The following OPCML variants were observed in gnomAD, a reference collection of about 807,000 sequenced individuals.
The protein encoded by OPCML is opioid binding protein/cell adhesion molecule like.
In OPCML, 13 loss-of-function variants were observed where a neutral mutation model predicts 37.8. The ratio of observed to expected loss-of-function variants is 0.34; its 90% CI spans 0.22 to 0.55. The LOEUF is 0.55. OPCML is among the 20% of genes least tolerant of loss of function. The probability of loss-of-function intolerance (pLI) is 0.91; values close to 1 mark genes in which losing one functional copy is unlikely to be tolerated. For missense variants in OPCML, 341 were observed against 435.6 expected (o/e 0.78, Z 1.93); for synonymous variants, 176 against 168.8 (o/e 1.04, Z -0.33).
At chr11:132,491,164 C>G (rs1342422502) in intron 4 of OPCML, among the ~76,000 whole-genome samples, 1 of 152,244 alleles carries the variant, frequency 6.6e-6, no homozygotes, top group Non-Finnish European at 1.5e-5. Flanking sequence ...TCCTCACTGG[C>G]TTCCTGCCCT....
intron 3 of OPCML, among the ~76,000 whole-genome samples, chr11:132,626,810 G>GTT (rs1939770708): frequency 1.4e-5 from 1 of 71,084 alleles, no homozygotes; most frequent in South Asian, 5.1e-4. Flanking sequence ...TTAAAGGGAA[G>GTT]TTTCTCTCTC....
At chr11:132,460,765 T>C (rs1368225133) in intron 4 of OPCML, among the ~76,000 whole-genome samples, 1 of 152,190 alleles carries the variant, frequency 6.6e-6, no homozygotes, top group Non-Finnish European at 1.5e-5. Flanking sequence ...CTTGAGTCAT[T>C]AAAATAAGTT....
intron 2 of OPCML, among the ~76,000 whole-genome samples, chr11:132,727,273 A>G (rs981906990): frequency 6.6e-6 from 1 of 152,188 alleles, no homozygotes; most frequent in Non-Finnish European, 1.5e-5. Flanking sequence ...TTCTGAGTCT[A>G]AAGCCCTGCT....
At chr11:133,319,492 A>G (rs1212031376) in intron 1 of OPCML, among the ~76,000 whole-genome samples, 2 of 152,210 alleles carry the variant, frequency 1.3e-5, no homozygotes, top group East Asian at 3.9e-4. Context: ...CTTAGTGGCA[A>G]CGCTTCTGTG....
At chr11:132,923,152 G>A (rs997357462) in intron 2 of OPCML, among the ~76,000 whole-genome samples, 3 of 152,058 alleles carry the variant, frequency 2.0e-5, no homozygotes, top group Admixed American at 1.3e-4. Flanking sequence ...ACAGTTAACA[G>A]TATATACATT....
At chr11:133,045,986 G>A (rs1033037244) in intron 1 of OPCML, among the ~76,000 whole-genome samples, 13 of 152,202 alleles carry the variant, frequency 8.5e-5, no homozygotes, top group African/African-American at 2.9e-4. Context: ...GCTACAAGAT[G>A]CTCACCGGCA....
At chr11:132,529,653 C>T (rs991493050) in intron 3 of OPCML, among the ~76,000 whole-genome samples, 4 of 152,146 alleles carry the variant, frequency 2.6e-5, no homozygotes, top group African/African-American at 9.7e-5. Context: ...TCTGAGTATC[C>T]CAGACCCTTT....
intron 2 of OPCML, among the ~76,000 whole-genome samples, chr11:132,845,743 AC>A (rs1205217485): frequency 1.3e-5 from 2 of 152,116 alleles, no homozygotes; most frequent in African/African-American, 4.8e-5. Flanking sequence ...ACTATTAGAG[AC>A]ATTGAAAGCT....
chr11:132,715,336 C>A (rs747764101), intron 2 of OPCML, among the ~76,000 whole-genome samples: 3 of 152,162 alleles, frequency 2.0e-5, no homozygotes, highest in Non-Finnish European at 4.4e-5. Flanking sequence ...AATTTCTGCC[C>A]GTGAGCTGTC....
intron 1 of OPCML, among the ~76,000 whole-genome samples, chr11:133,484,350 T>C (rs1947483694): frequency 6.6e-6 from 1 of 152,092 alleles, no homozygotes; most frequent in African/African-American, 2.4e-5. Context: ...ATGAATGAGA[T>C]ATTCAATATT....
At chr11:132,547,245 G>T (rs1219075451) in intron 3 of OPCML, among the ~76,000 whole-genome samples, 2 of 152,182 alleles carry the variant, frequency 1.3e-5, no homozygotes, top group Non-Finnish European at 2.9e-5. Context: ...AACTGGGGGA[G>T]ATGCCATAAG....
rs557016878 is a variant in OPCML at position 133,212,020 on chromosome 11, C to A, written c.62-269010G>T. On this transcript the variant is annotated intron_variant, in intron 1 of 7. Coordinates refer to ENST00000524381, the MANE Select transcript of OPCML (RefSeq NM_001012393.5). The surrounding 1 kb of genome is among the most constrained non-coding windows in gnomAD (Gnocchi z 4.9). The stretch of plus-strand genomic sequence containing the variant: ...GCATACAGCCTGATAGCAGATTGAC[C>A]GTGCCAGCTGTCACTTTTACAATCT... Among the ~76,000 whole-genome samples, 5 of 152,104 alleles carry A rather than the reference C, an allele frequency of 3.3e-5. No homozygotes were observed. The highest frequency in any genetic ancestry group is 1.2e-4 in the African/African-American group (5 of 41,418).
intron 1 of OPCML, among the ~76,000 whole-genome samples, chr11:133,042,438 C>T (rs1055960074): frequency 6.6e-6 from 1 of 152,214 alleles, no homozygotes. Context: ...ATGACCACCA[C>T]CTTACAGGTG....
chr11:132,778,750 A>G (rs887883925), intron 2 of OPCML, among the ~76,000 whole-genome samples: 4 of 152,148 alleles, frequency 2.6e-5, no homozygotes, highest in African/African-American at 9.7e-5. Flanking sequence ...CAAATGAGAA[A>G]ATCAAGGCCT....
intron 1 of OPCML, among the ~76,000 whole-genome samples, chr11:133,432,053 A>G (rs1946131824): frequency 6.6e-6 from 1 of 152,062 alleles, no homozygotes; most frequent in African/African-American, 2.4e-5. Flanking sequence ...TTGAGTACAT[A>G]CGGACATAAA....
intron 1 of OPCML, chr11:133,300,415 T>G (rs907129504): frequency 5.3e-5 from 8 of 152,278 alleles, no homozygotes; most frequent in African/African-American, 1.9e-4. Flanking sequence ...CCTTTGCTTG[T>G]GCTTTACCTG....
At chr11:132,495,462 T>C (rs1565612300) in intron 4 of OPCML, among the ~76,000 whole-genome samples, 1 of 152,192 alleles carries the variant, frequency 6.6e-6, no homozygotes, top group South Asian at 2.1e-4. Flanking sequence ...TTATAATATA[T>C]GCCCATCAGT....
At chr11:133,406,790 G>A (rs1428229336) in intron 1 of OPCML, among the ~76,000 whole-genome samples, 1 of 152,230 alleles carries the variant, frequency 6.6e-6, no homozygotes, top group East Asian at 1.9e-4. Flanking sequence ...TGTGAAATCA[G>A]CACAGTGAGC....
intron 1 of OPCML, among the ~76,000 whole-genome samples, chr11:133,078,378 C>T (rs898410164): frequency 2.6e-5 from 4 of 152,110 alleles, no homozygotes; most frequent in African/African-American, 9.7e-5. Flanking sequence ...ACAAACACGG[C>T]AACACGACAG....
Sources: allele counts gnomAD v4.1 joint callset (sites outside exome capture counted in the v4.1 genomes callset), GRCh38; gene constraint gnomAD v4.1.1; non-coding constraint Gnocchi (gnomAD v3.1); transcripts MANE v1.5; gene names NCBI Gene and HGNC (gene_info 2026-07-23, HGNC 2026-07-21).